LINGO2: variants seen among roughly 807,000 people sequenced by gnomAD.
LINGO2 encodes the protein leucine-rich repeat and immunoglobulin-like domain-containing nogo receptor-interacting protein 2.
LINGO2 carries 14 observed loss-of-function variants against 30.6 expected under a neutral mutation model. The observed-to-expected ratio is 0.46, with a 90% CI of 0.30 to 0.72. LINGO2 has a LOEUF of 0.72. Among genes scored for constraint, LINGO2 ranks in the 30% least tolerant of loss-of-function variants. The pLI, the probability that LINGO2 is intolerant of heterozygous loss-of-function variation, is 0.07. For synonymous variants in LINGO2, 317 were observed against 288.5 expected (o/e 1.10, Z -1.00); for missense variants, 729 against 751.7 (o/e 0.97, Z 0.35).
chr9:28,289,762 A>G (rs952654121), intron 4 of LINGO2, among the ~76,000 whole-genome samples: 1 of 152,082 alleles, frequency 6.6e-6, no homozygotes, highest in Non-Finnish European at 1.5e-5. Flanking sequence ...TTAATTAGCT[A>G]CTCTTGCACT....
chr9:29,207,222 A>G, the LINGO2 span, among the ~76,000 whole-genome samples: 25 of 152,100 alleles, frequency 1.6e-4, no homozygotes, highest in South Asian at 4.8e-3. Context: ...CAAGTCAAAA[A>G]TTGTTAAGAA....
the LINGO2 span, among the ~76,000 whole-genome samples, chr9:28,713,634 G>A: frequency 9.3e-4 from 141 of 152,232 alleles, 1 homozygote; most frequent in East Asian, 0.024. Flanking sequence ...CCATTAGAAG[G>A]TACTGATTTT....
the LINGO2 span, among the ~76,000 whole-genome samples, chr9:29,047,051 A>AAAAAAAAAAAAAAAAAAAAAAC: frequency 2.8e-5 from 3 of 106,976 alleles, no homozygotes; most frequent in East Asian, 3.4e-4. Context: ...AAAAAAAAAA[A>AAAAAAAAAAAAAAAAAAAAAAC]CCAAAAACAA....
chr9:28,876,732 G>T, the LINGO2 span, among the ~76,000 whole-genome samples: 1 of 152,066 alleles, frequency 6.6e-6, no homozygotes, highest in Non-Finnish European at 1.5e-5. Context: ...TGTCTTTATA[G>T]CAGCATGATT....
the LINGO2 span, among the ~76,000 whole-genome samples, chr9:28,915,525 A>ACACAC: frequency 1.3e-5 from 2 of 152,196 alleles, no homozygotes; most frequent in African/African-American, 4.8e-5. Flanking sequence ...CACCATATTT[A>ACACAC]CATATGTGTG....
intron 2 of LINGO2, among the ~76,000 whole-genome samples, chr9:28,382,950 T>A (rs1821412673): frequency 6.6e-6 from 1 of 152,062 alleles, no homozygotes; most frequent in Non-Finnish European, 1.5e-5. Flanking sequence ...TGTAGAGATT[T>A]ATTTCATATA....
At chr9:28,771,712 T>A in the LINGO2 span, among the ~76,000 whole-genome samples, 2 of 152,088 alleles carry the variant, frequency 1.3e-5, no homozygotes, top group Non-Finnish European at 2.9e-5. Context: ...GCATTTAAAG[T>A]GATGAGCAGC....
chr9:28,203,909 T>TAAGAA (rs958574203), intron 4 of LINGO2, among the ~76,000 whole-genome samples: 2 of 152,140 alleles, frequency 1.3e-5, no homozygotes, highest in Admixed American at 6.5e-5. Flanking sequence ...AACAACAGGC[T>TAAGAA]AAGAAAATAC....
At chr9:28,827,578 T>C in the LINGO2 span, among the ~76,000 whole-genome samples, 1 of 152,120 alleles carries the variant, frequency 6.6e-6, no homozygotes, top group East Asian at 1.9e-4. Flanking sequence ...TGATACATAT[T>C]AGTACTTGAC....
intron 4 of LINGO2, among the ~76,000 whole-genome samples, chr9:28,092,597 AATG>A (rs1826128428): frequency 6.6e-6 from 1 of 151,732 alleles, no homozygotes; most frequent in African/African-American, 2.4e-5. Context: ...ACCTAATGTA[AATG>A]ATGAGTTAAT....
At chr9:28,268,045 G>T (rs1320378103) in intron 4 of LINGO2, among the ~76,000 whole-genome samples, 1 of 151,984 alleles carries the variant, frequency 6.6e-6, no homozygotes, top group Admixed American at 6.6e-5. Flanking sequence ...CTATTTAAAG[G>T]TCAATATCAG....
the LINGO2 span, among the ~76,000 whole-genome samples, chr9:28,911,335 G>A: frequency 6.6e-6 from 1 of 150,590 alleles, no homozygotes; most frequent in Admixed American, 6.7e-5. Context: ...ATATTGGTAA[G>A]CATATTGTCT....
chr9:28,042,900 C>T (rs1366720381), intron 4 of LINGO2, among the ~76,000 whole-genome samples: 1 of 152,126 alleles, frequency 6.6e-6, no homozygotes, highest in Non-Finnish European at 1.5e-5. Flanking sequence ...TGTCTCACTG[C>T]AGCTGAATTT....
intron 4 of LINGO2, among the ~76,000 whole-genome samples, chr9:28,139,573 T>G (rs535179857): frequency 1.3e-5 from 2 of 152,242 alleles, no homozygotes; most frequent in Non-Finnish European, 2.9e-5. Context: ...TGGCTAACAA[T>G]AGAAATGCTT....
intron 1 of LINGO2, among the ~76,000 whole-genome samples, chr9:28,492,719 A>C (rs1251381878): frequency 6.6e-6 from 1 of 152,166 alleles, no homozygotes; most frequent in Non-Finnish European, 1.5e-5. Context: ...TCCAACCAGC[A>C]TCTAGAGGGA....
chr9:28,316,524 A>G (rs866262511), intron 3 of LINGO2, among the ~76,000 whole-genome samples: 26 of 152,274 alleles, frequency 1.7e-4, no homozygotes, highest in African/African-American at 6.3e-4. Context: ...CTAATTTGAA[A>G]AACTTTGAAA....
chr9:28,309,998 T>C (rs867679563), intron 3 of LINGO2, among the ~76,000 whole-genome samples: 3 of 152,126 alleles, frequency 2.0e-5, no homozygotes, highest in Non-Finnish European at 4.4e-5. Context: ...AAAAGGCTTA[T>C]CTTACCAAGT....
the LINGO2 span, among the ~76,000 whole-genome samples, chr9:29,073,084 T>C: frequency 6.6e-6 from 1 of 151,854 alleles, no homozygotes; most frequent in Non-Finnish European, 1.5e-5. Flanking sequence ...CCTGAATTTA[T>C]CTACAATCTT....
chr9:28,292,746 G>A (rs541061646), intron 4 of LINGO2, among the ~76,000 whole-genome samples: 83 of 151,536 alleles, frequency 5.5e-4, no homozygotes, highest in African/African-American at 1.9e-3. Flanking sequence ...TTACAGGCAT[G>A]AGCCACCACG....
Sources: gnomAD v4.1 joint callset for allele counts (sites outside exome capture counted in the v4.1 genomes callset) on GRCh38, gnomAD v4.1.1 for gene constraint, MANE v1.5 for transcripts, NCBI Gene and HGNC (gene_info 2026-07-23, HGNC 2026-07-21) for gene names.